The following UNC5C variants were observed in gnomAD, a reference collection of about 807,000 sequenced individuals.
The protein encoded by UNC5C is netrin receptor UNC5C.
Under a neutral mutation model 99.8 loss-of-function variants are expected in UNC5C, and 47 were observed. The observed-to-expected ratio is 0.47, with a 90% confidence interval of 0.37 to 0.60. The LOEUF (loss-of-function observed/expected upper bound fraction) is 0.60, where lower values mean the gene tolerates loss of function less well. Ranked by LOEUF, UNC5C falls within the 20% of genes least tolerant of loss-of-function variation. The pLI, the probability that UNC5C is intolerant of heterozygous loss-of-function variation, is 0.00. For synonymous variants in UNC5C, 487 were observed against 452.2 expected (o/e 1.08, Z -0.98); for missense variants, 1,062 against 1,165.9 (o/e 0.91, Z 1.30).
intron 2 of UNC5C, among the ~76,000 whole-genome samples, chr4:95,332,372 G>C (rs1008871312): frequency 2.0e-5 from 3 of 149,266 alleles, no homozygotes; most frequent in Admixed American, 6.8e-5. Context: ...CCAAAACAGA[G>C]ATATAGATCA....
chr4:95,312,385 C>A (rs1413687089), intron 2 of UNC5C, among the ~76,000 whole-genome samples: 1 of 152,190 alleles, frequency 6.6e-6, no homozygotes, highest in Non-Finnish European at 1.5e-5. Context: ...AGTGAATGAT[C>A]TGTACATATA....
At chr4:95,228,565 T>A (rs1162180718) in intron 7 of UNC5C, among the ~76,000 whole-genome samples, 1 of 152,312 alleles carries the variant, frequency 6.6e-6, no homozygotes, top group East Asian at 1.9e-4. Flanking sequence ...GGGATTTGTC[T>A]AACATTATAA....
At chr4:95,303,461 A>C (rs571299500) in intron 2 of UNC5C, among the ~76,000 whole-genome samples, 2 of 152,304 alleles carry the variant, frequency 1.3e-5, no homozygotes, top group African/African-American at 4.8e-5. Flanking sequence ...GGATCACTTG[A>C]GGTAAGGAGT....
chr4:95,202,927 G>C lies in UNC5C; in HGVS notation c.1940C>G (p.Pro647Arg), dbSNP rs773186313. ...CTCTGCATCCAGCTGAATGTAGCAGGGGGTGGTGAAGTTTTCCTCCCCGAC... is the reference window on the plus strand; with the variant it reads ...CTCTGCATCCAGCTGAATGTAGCAGCGGGTGGTGAAGTTTTCCTCCCCGAC... ...VVVGEENFTT[P>R]CYIQLDAEAC... Residue 647 changes from proline (P) to arginine (R), a missense_variant, in exon 12 of 16, where the codon CCC becomes CGC. Physicochemically the swap from Pro to Arg is moderately radical, Grantham distance 103 (BLOSUM62 -2). Coordinates refer to ENST00000453304, the MANE Select transcript of UNC5C (RefSeq NM_003728.4). 1 of 1,614,210 alleles carries C rather than the reference G, an allele frequency of 6.2e-7. No homozygotes were observed. The highest frequency in any genetic ancestry group is 2.2e-5 in the East Asian group (1 of 44,874).
At chr4:95,222,687 C>T (rs1332083875) in intron 7 of UNC5C, among the ~76,000 whole-genome samples, 1 of 151,940 alleles carries the variant, frequency 6.6e-6, no homozygotes, top group African/African-American at 2.4e-5. Context: ...TTAATCATAA[C>T]AGCTTGTGCT....
At chr4:95,429,399 T>C (rs1746574172) in intron 1 of UNC5C, among the ~76,000 whole-genome samples, 1 of 151,870 alleles carries the variant, frequency 6.6e-6, no homozygotes, top group Non-Finnish European at 1.5e-5. Flanking sequence ...CTTGCCCCAA[T>C]AGCTGTTTAC....
Position 95,410,671 on chromosome 4 carries a change from T to C in UNC5C, c.125-75040A>G, listed in dbSNP as rs77012000. On this transcript the variant is annotated intron_variant, in intron 1 of 15. Coordinates refer to ENST00000453304, the MANE Select transcript of UNC5C (RefSeq NM_003728.4). ...CGTTTAGCTAGAAGAAAGTCAAGCC[T>C]CAGGCAGAAATCAGGGCAATTATTG... Among the ~76,000 whole-genome samples the C allele has an allele frequency of 2.8e-4, 43 of 152,254 alleles. 1 individual carries two copies. In the East Asian group the frequency reaches 8.3e-3, roughly 29 times the overall value.
chr4:95,221,243 C>G (rs1293993465), intron 7 of UNC5C, among the ~76,000 whole-genome samples: 1 of 152,182 alleles, frequency 6.6e-6, no homozygotes, highest in African/African-American at 2.4e-5. Context: ...TTAATCAAAG[C>G]TGCTCCACTC....
intron 2 of UNC5C, among the ~76,000 whole-genome samples, chr4:95,329,261 GCC>G (rs1743020859): frequency 1.3e-5 from 2 of 152,136 alleles, no homozygotes; most frequent in Non-Finnish European, 2.9e-5. Flanking sequence ...CTGCATTCCA[GCC>G]TGGAAGACAG....
intron 1 of UNC5C, among the ~76,000 whole-genome samples, chr4:95,476,183 A>C (rs1578184006): frequency 6.6e-6 from 1 of 152,052 alleles, no homozygotes; most frequent in Non-Finnish European, 1.5e-5. Flanking sequence ...GAATGAGAGA[A>C]CTTCCCTCTG....
chr4:95,279,442 C>T (rs17023414), intron 3 of UNC5C, among the ~76,000 whole-genome samples: 3,269 of 152,270 alleles, frequency 0.021, 95 homozygotes, highest in African/African-American at 0.07. Context: ...GAGGCACATA[C>T]TTCAAGAGAT....
In UNC5C at chr4:95,490,914, C is replaced by A. The variant is rs7340765; in HGVS notation, c.124+57820G>T. ...GTCAAGTTTAGAATATAATTGATTT[C>A]TTTAATTCTATATAGTTCCTGTTTT... On this transcript the variant is annotated intron_variant, in intron 1 of 15. Coordinates refer to ENST00000453304, the MANE Select transcript of UNC5C (RefSeq NM_003728.4). 2.2e-3 allele frequency among the ~76,000 whole-genome samples: 331 copies of A among 151,696 alleles called. 2 individuals are homozygous for A. The highest frequency in any genetic ancestry group is 7.5e-3 in the African/African-American group (312 of 41,466).
chr4:95,169,210 T>G lies in UNC5C; in HGVS notation c.*24A>C, dbSNP rs1284881378. On this transcript the variant is annotated 3_prime_UTR_variant, in exon 16 of 16. Transcript: ENST00000453304. ...CAGACTCCCTGTGCATTTTTGTCCTTCATTTCCCCTTCCAGCATGGTGGTT... is the reference window on the plus strand; with the variant it reads ...CAGACTCCCTGTGCATTTTTGTCCTGCATTTCCCCTTCCAGCATGGTGGTT... 1.2e-6 allele frequency: 2 copies of G among 1,611,928 alleles called. No homozygotes were observed. The highest frequency in any genetic ancestry group is 8.5e-7 in the Non-Finnish European group (1 of 1,178,376).
intron 12 of UNC5C, among the ~76,000 whole-genome samples, chr4:95,196,024 G>A (rs1300519105): frequency 6.6e-6 from 1 of 151,990 alleles, no homozygotes; most frequent in East Asian, 1.9e-4. Context: ...TCCTTTTTTA[G>A]GTTCTGAATC....
rs78244361 is a variant in UNC5C at position 95,519,660 on chromosome 4, G to A, written c.124+29074C>T. On this transcript the variant is annotated intron_variant, in intron 1 of 15. Transcript: ENST00000453304. Reference sequence around the variant, plus strand: ...TGCCTCACAGCAAACAGTTTCTTTTGTCAATACTAGTGATGGAATTAATTG... The same window carrying A: ...TGCCTCACAGCAAACAGTTTCTTTTATCAATACTAGTGATGGAATTAATTG... Among the ~76,000 whole-genome samples the A allele has an allele frequency of 7.8e-3, 1,190 of 152,182 alleles. 18 individuals carry two copies. The highest frequency in any genetic ancestry group is 0.027 in the African/African-American group (1,121 of 41,518).
intron 2 of UNC5C, among the ~76,000 whole-genome samples, chr4:95,322,925 G>A: frequency 6.9e-6 from 1 of 144,752 alleles, no homozygotes. Context: ...GTGACAGAGC[G>A]AGATTCTGTC....
intron 1 of UNC5C, among the ~76,000 whole-genome samples, chr4:95,389,084 G>A (rs773165444): frequency 3.9e-5 from 6 of 152,076 alleles, no homozygotes; most frequent in Non-Finnish European, 8.8e-5. Flanking sequence ...TGATAGGCCT[G>A]CTGTTATTCA....
At chr4:95,240,655 TA>T (rs1353245173) in intron 7 of UNC5C, among the ~76,000 whole-genome samples, 2 of 151,516 alleles carry the variant, frequency 1.3e-5, no homozygotes, top group Non-Finnish European at 3.0e-5. Flanking sequence ...AACAAACAAC[TA>T]AAAAATCTCC....
chr4:95,325,933 CT>C (rs1472609515), intron 2 of UNC5C, among the ~76,000 whole-genome samples: 2 of 152,192 alleles, frequency 1.3e-5, no homozygotes, highest in East Asian at 3.9e-4. Flanking sequence ...TTGCATAGCT[CT>C]TTTTTAGACT....
Sources: allele counts gnomAD v4.1 joint callset (sites outside exome capture counted in the v4.1 genomes callset), GRCh38; gene constraint gnomAD v4.1.1; transcripts MANE v1.5; gene names NCBI Gene and HGNC (gene_info 2026-07-23, HGNC 2026-07-21).